Variants in AIG1 observed in about 807,000 individuals in gnomAD.
The protein encoded by AIG1 is androgen induced 1.
Under a neutral mutation model 31.4 loss-of-function variants are expected in AIG1, and 23 were observed. The observed-to-expected ratio is 0.73, with a 90% CI of 0.53 to 1.04. The LOEUF (loss-of-function observed/expected upper bound fraction) is 1.04. Among genes scored for constraint, AIG1 ranks in the 50% least tolerant of loss-of-function variants. AIG1 has a pLI of 0.00. For missense variants in AIG1, 274 were observed against 295.0 expected, an observed-to-expected ratio of 0.93 and a Z score of 0.52; for synonymous variants, 100 against 110.5, an observed-to-expected ratio of 0.90 and a Z score of 0.60.
intron 3 of AIG1, chr6:143,188,611 T>G: frequency 3.0e-6 from 3 of 985,262 alleles, no homozygotes; most frequent in Non-Finnish European, 3.6e-6. Context: ...TTATGCCAGC[T>G]CTCAGATTTG....
At chr6:143,209,380 G>A (rs1056483487) in intron 3 of AIG1, among the ~76,000 whole-genome samples, 6 of 152,214 alleles carry the variant, frequency 3.9e-5, no homozygotes, top group Non-Finnish European at 5.9e-5. Context: ...TTGTAGATGA[G>A]ATGCAAATTG....
chr6:143,303,236 C>G (rs940833455), intron 4 of AIG1, among the ~76,000 whole-genome samples: 21 of 151,128 alleles, frequency 1.4e-4, no homozygotes, highest in African/African-American at 4.9e-4. Context: ...TTAATTAGAT[C>G]CCATTTGTCA....
rs1031717602 is a variant in AIG1 at position 143,333,237 on chromosome 6, A to C, written c.516-45A>C. The C allele has an allele frequency of 6.4e-7, 1 of 1,551,404 alleles. No individual in the cohort carries two copies. Among genetic ancestry groups the C allele is most frequent in the Non-Finnish European group, 8.7e-7 (1 of 1,149,012 alleles). ...CATCATAGCAGCTTTGATGCCTGCC[A>C]TAAGAGTGACTCCTGTCCTTGTCTC... is the stretch of plus-strand genomic sequence containing the variant. On this transcript the variant is annotated intron_variant, in intron 4 of 5. Transcript: ENST00000357847. The surrounding 1 kb of genome is among the most constrained non-coding windows in gnomAD (Gnocchi z 4.6).
chr6:143,284,037 C>T lies in AIG1; in HGVS notation c.400-73C>T. ...CCTAGGAATTTATAGTGTGCATTCT[C>T]CTACTGGTGAAAAAACAACTATAGA... On this transcript the variant is annotated intron_variant, in intron 3 of 5. Transcript: ENST00000357847. The surrounding 1 kb of genome is among the most constrained non-coding windows in gnomAD (Gnocchi z 4.4). 1 of 1,086,442 alleles carries T rather than the reference C, an allele frequency of 9.2e-7. No homozygotes were observed. Among genetic ancestry groups the T allele is most frequent in the Admixed American group, 2.0e-5 (1 of 51,082 alleles). The allele number at this position is 1,086,442 out of a possible 1,614,324, so 67.3% of individuals were successfully genotyped here.
intron 3 of AIG1, among the ~76,000 whole-genome samples, chr6:143,175,310 C>G (rs1478848059): frequency 6.6e-6 from 1 of 152,100 alleles, no homozygotes; most frequent in Non-Finnish European, 1.5e-5. Flanking sequence ...GATGAATTTC[C>G]CAGATGTTCT....
At chr6:143,189,804 G>C (rs575071442) in intron 3 of AIG1, 12 of 981,742 alleles carry the variant, frequency 1.2e-5, no homozygotes, top group Non-Finnish European at 1.2e-5. Flanking sequence ...TCTCAACTTC[G>C]TAAATAAAAA....
intron 1 of AIG1, among the ~76,000 whole-genome samples, chr6:143,133,551 TG>T (rs78980561): frequency 0.11 from 16,696 of 152,086 alleles, 1,567 homozygotes; most frequent in East Asian, 0.44. Context: ...TTACTTTATG[TG>T]GGAAAAAGGA....
chr6:143,100,750 A>G (rs1055063451), intron 1 of AIG1, among the ~76,000 whole-genome samples: 11 of 150,570 alleles, frequency 7.3e-5, no homozygotes, highest in Admixed American at 2.6e-4. Flanking sequence ...CAGTGGTGCT[A>G]TCTCCACTCA....
At chr6:143,332,329 A>G (rs1423824793) in intron 4 of AIG1, among the ~76,000 whole-genome samples, 1 of 152,200 alleles carries the variant, frequency 6.6e-6, no homozygotes, top group Non-Finnish European at 1.5e-5. Flanking sequence ...TTATAAAGGA[A>G]TGAACTCAAG....
intron 1 of AIG1, among the ~76,000 whole-genome samples, chr6:143,131,741 C>A (rs116857597): frequency 6.6e-6 from 1 of 152,196 alleles, no homozygotes; most frequent in African/African-American, 2.4e-5. Flanking sequence ...TTGGCCTCCA[C>A]GTAAGGGCCT....
intron 3 of AIG1, among the ~76,000 whole-genome samples, chr6:143,271,464 A>G (rs1796523284): frequency 6.6e-6 from 1 of 152,244 alleles, no homozygotes; most frequent in Non-Finnish European, 1.5e-5. Context: ...TAATGTCTCC[A>G]TGTCAAACAT....
chr6:143,143,500 CAAAAAAAAAAAA>C lies in AIG1; in HGVS notation c.297+6528_297+6539del, dbSNP rs60620136. On this transcript the variant is annotated intron_variant, in intron 2 of 5. Transcript: ENST00000357847. ...TGGGTGACAGAGCGAGACTTCATCT[CAAAAAAAAAAAA>C]AAAAAAAAAAAAAAAAATATATATA... Among the ~76,000 whole-genome samples, 236 of 27,482 alleles carry C rather than the reference CAAAAAAAAAAAA, an allele frequency of 8.6e-3. 1 individual carries two copies. The highest frequency in any genetic ancestry group is 0.03 in the African/African-American group (222 of 7,330). The allele number at this position is 27,482 out of a possible 152,430, so 18.0% of individuals were successfully genotyped here. A position where few individuals can be genotyped will look rare whatever the true frequency, so the allele number is the denominator to read the frequency against.
At chr6:143,166,144 C>T (rs1420757406) in intron 3 of AIG1, among the ~76,000 whole-genome samples, 1 of 152,130 alleles carries the variant, frequency 6.6e-6, no homozygotes, top group South Asian at 2.1e-4. Flanking sequence ...CATCACTGTA[C>T]TGAAGGGTTT....
At position 143,291,937 on chromosome 6, in the gene AIG1, G is replaced by A. The variant is rs1451045684; in HGVS notation, c.515+7712G>A. 6.6e-6 allele frequency among the ~76,000 whole-genome samples: 1 copy of A among 152,242 alleles called. No homozygotes were observed. Among genetic ancestry groups the A allele is most frequent in the African/African-American group, 2.4e-5 (1 of 41,466 alleles). ...TTTCTAAGGAATCACTTTGGCCAAT[G>A]TGTTAAGAGTGGATTGAAGGCAAGG... is the stretch of plus-strand genomic sequence containing the variant. On this transcript the variant is annotated intron_variant, in intron 4 of 5. Coordinates refer to ENST00000357847, the MANE Select transcript of AIG1 (RefSeq NM_016108.4). This position sits in a 1 kb window ranked among gnomAD's most constrained non-coding sequence, Gnocchi z 4.2.
At chr6:143,260,017 C>CTTTTTTTTTTTTTTTTTTTTTTTTTTT (rs35620148) in intron 3 of AIG1, among the ~76,000 whole-genome samples, 2 of 85,118 alleles carry the variant, frequency 2.3e-5, no homozygotes, top group African/African-American at 9.3e-5. Flanking sequence ...TCTTGTGCTT[C>CTTTTTTTTTTTTTTTTTTTTTTTTTTT]TTTTTTTTTT....
intron 3 of AIG1, among the ~76,000 whole-genome samples, chr6:143,239,696 C>T (rs1343030064): frequency 2.6e-5 from 4 of 152,174 alleles, no homozygotes; most frequent in African/African-American, 7.2e-5. Context: ...TTTCCTGTGC[C>T]GTATCACAAG....
intron 1 of AIG1, among the ~76,000 whole-genome samples, chr6:143,083,967 A>G (rs920956093): frequency 1.3e-5 from 2 of 152,190 alleles, no homozygotes; most frequent in Non-Finnish European, 2.9e-5. Context: ...TTAGAAAGGC[A>G]TGTGAAAAGA....
intron 3 of AIG1, among the ~76,000 whole-genome samples, chr6:143,199,426 TG>T (rs751621615): frequency 1.6e-3 from 247 of 152,238 alleles, no homozygotes; most frequent in Non-Finnish European, 2.6e-3. Flanking sequence ...AGCTGGATGA[TG>T]GGTTCATGGG....
chr6:143,236,682 C>A lies in AIG1; in HGVS notation c.400-47428C>A, dbSNP rs1793831649. Among the ~76,000 whole-genome samples the A allele has an allele frequency of 2.6e-5, 4 of 152,302 alleles. No homozygotes were observed. In the South Asian group the frequency reaches 8.3e-4, roughly 32 times the overall value. The stretch of plus-strand genomic sequence containing the variant: ...CCAGTCCTTTGTGTCACCGTGCCAT[C>A]TGCTTAGCTTTTTTCCTCTTCAAAC... On this transcript the variant is annotated intron_variant, in intron 3 of 5. Coordinates refer to ENST00000357847, the MANE Select transcript of AIG1 (RefSeq NM_016108.4).
Sources: allele counts gnomAD v4.1 joint callset (sites outside exome capture counted in the v4.1 genomes callset), GRCh38; gene constraint gnomAD v4.1.1; non-coding constraint Gnocchi (gnomAD v3.1); transcripts MANE v1.5; gene names NCBI Gene and HGNC (gene_info 2026-07-23, HGNC 2026-07-21).